Variants in MSRA observed in about 807,000 individuals in gnomAD.
The protein encoded by MSRA is mitochondrial peptide methionine sulfoxide reductase.
MSRA carries 54 observed loss-of-function variants against 31.3 expected under a neutral mutation model. The ratio of observed to expected loss-of-function variants is 1.73; its 90% CI spans 1.39 to 2.17. The LOEUF (loss-of-function observed/expected upper bound fraction) is 2.17. Among genes scored for constraint, MSRA ranks in the 30% most tolerant of loss-of-function variants. The pLI, the probability that MSRA is intolerant of heterozygous loss-of-function variation, is 0.00. For missense variants in MSRA, 507 were observed against 300.9 expected (o/e 1.69, Z -5.07); for synonymous variants, 169 against 116.5 (o/e 1.45, Z -2.90).
intron 1 of MSRA, among the ~76,000 whole-genome samples, chr8:10,156,596 ATCT>A (rs1804170294): frequency 6.6e-6 from 1 of 152,142 alleles, no homozygotes; most frequent in Non-Finnish European, 1.5e-5. Context: ...ATAGAAATTA[ATCT>A]CTTCTTTTCA....
At chr8:10,095,016 G>A (rs1799052270) in intron 1 of MSRA, among the ~76,000 whole-genome samples, 1 of 152,158 alleles carries the variant, frequency 6.6e-6, no homozygotes, top group African/African-American at 2.4e-5. Context: ...TAAAGTTGCA[G>A]ATCAATCAAA....
chr8:10,417,754 T>TTGTGTG (rs113437676), intron 5 of MSRA, among the ~76,000 whole-genome samples: 4,848 of 129,858 alleles, frequency 0.037, 549 homozygotes, highest in South Asian at 0.087. Flanking sequence ...AACCTGCATG[T>TTGTGTG]TGTGTGTGTG....
At chr8:10,250,480 A>G in intron 3 of MSRA, 1 of 702,480 alleles carries the variant, frequency 1.4e-6, no homozygotes, top group South Asian at 1.5e-5. Context: ...AAATCTGCAC[A>G]GCCAAGTGGC....
At chr8:10,312,698 C>G (rs1201644195) in intron 4 of MSRA, among the ~76,000 whole-genome samples, 1 of 152,214 alleles carries the variant, frequency 6.6e-6, no homozygotes, top group Non-Finnish European at 1.5e-5. Flanking sequence ...AATAATACAT[C>G]ATGACCAATT....
intron 1 of MSRA, among the ~76,000 whole-genome samples, chr8:10,091,683 T>G (rs1306877776): frequency 6.6e-6 from 1 of 151,982 alleles, no homozygotes; most frequent in Non-Finnish European, 1.5e-5. Context: ...CTTGGCTCAT[T>G]GCAACCTCTG....
chr8:10,077,008 A>T (rs1798025910), intron 1 of MSRA, among the ~76,000 whole-genome samples: 1 of 151,340 alleles, frequency 6.6e-6, no homozygotes, highest in African/African-American at 2.4e-5. Context: ...GCACCTATGT[A>T]ATAAACCTGC....
intron 3 of MSRA, among the ~76,000 whole-genome samples, chr8:10,252,726 G>C (rs1041375204): frequency 5.3e-5 from 8 of 152,212 alleles, no homozygotes; most frequent in African/African-American, 1.9e-4. Context: ...ATGGGCTGCA[G>C]ACCTTACATA....
chr8:10,337,415 G>A (rs926193987), intron 5 of MSRA: 5 of 311,148 alleles, frequency 1.6e-5, no homozygotes, highest in Admixed American at 4.8e-5. Context: ...TCCTGACCTC[G>A]TGATCCACCA....
intron 1 of MSRA, among the ~76,000 whole-genome samples, chr8:10,168,071 T>C (rs1163897144): frequency 6.6e-6 from 1 of 152,182 alleles, no homozygotes; most frequent in East Asian, 1.9e-4. Flanking sequence ...CTATGTTACT[T>C]ACTAGCTTTG....
intron 1 of MSRA, among the ~76,000 whole-genome samples, chr8:10,115,347 G>A (rs909767249): frequency 3.9e-5 from 6 of 152,210 alleles, no homozygotes; most frequent in African/African-American, 9.7e-5. Context: ...TGAAGACTTG[G>A]ACAGAGCTGG....
intron 1 of MSRA, among the ~76,000 whole-genome samples, chr8:10,108,805 A>AT (rs1189513051): frequency 6.9e-6 from 1 of 143,970 alleles, no homozygotes; most frequent in South Asian, 2.4e-4. Context: ...GTTGTTGGGA[A>AT]ATTTTTTTTT....
At chr8:10,260,105 T>G (rs1798394520) in intron 3 of MSRA, among the ~76,000 whole-genome samples, 1 of 152,162 alleles carries the variant, frequency 6.6e-6, no homozygotes, top group African/African-American at 2.4e-5. Flanking sequence ...ACAAAATTGA[T>G]GCACAATAAT....
At position 10,188,448 on chromosome 8, in the gene MSRA, G is replaced by C. The variant is rs561826487; in HGVS notation, c.143-19385G>C. Among the ~76,000 whole-genome samples, 6 of 152,314 alleles carry C rather than the reference G, an allele frequency of 3.9e-5. No individual in the cohort carries two copies. In the South Asian group the frequency reaches 1.2e-3, roughly 32 times the overall value. On this transcript the variant is annotated intron_variant, in intron 1 of 5. Transcript: ENST00000317173. ...CAACAAAAACAGAGGTGGATTTTGA[G>C]AAAGTATTTAGTTTTCAGTTGATTT...
intron 1 of MSRA, among the ~76,000 whole-genome samples, chr8:10,137,223 C>T (rs938946270): frequency 6.6e-6 from 1 of 152,146 alleles, no homozygotes; most frequent in African/African-American, 2.4e-5. Context: ...AATAGCATTT[C>T]TGCTTTTATT....
At position 10,167,554 on chromosome 8, in the gene MSRA, A is replaced by G. The variant is rs373412261; in HGVS notation, c.143-40279A>G. 5.6e-4 allele frequency among the ~76,000 whole-genome samples: 86 copies of G among 152,308 alleles called. 3 individuals are homozygous for G. In the South Asian group the frequency reaches 0.017, roughly 30 times the overall value. ...CTGTGTGCGCCGCATGATAATAACA[A>G]TCACGCCAGCCAGGAGATTAGCTGA... On this transcript the variant is annotated intron_variant, in intron 1 of 5. Transcript: ENST00000317173.
At chr8:10,310,718 C>T (rs759038599) in intron 4 of MSRA, among the ~76,000 whole-genome samples, 9 of 152,212 alleles carry the variant, frequency 5.9e-5, no homozygotes, top group Non-Finnish European at 1.3e-4. Context: ...TACTACATTG[C>T]TTGACGGAGG....
At chr8:10,364,352 C>A (rs974970610) in intron 5 of MSRA, among the ~76,000 whole-genome samples, 4 of 152,184 alleles carry the variant, frequency 2.6e-5, no homozygotes, top group Admixed American at 1.3e-4. Flanking sequence ...TGTCACAGCA[C>A]CCTGACTGCA....
At chr8:10,201,879 T>G (rs1458821332) in intron 1 of MSRA, among the ~76,000 whole-genome samples, 1 of 152,222 alleles carries the variant, frequency 6.6e-6, no homozygotes, top group Non-Finnish European at 1.5e-5. Context: ...CAGCAGAGGT[T>G]GTCCTCCCAG....
chr8:10,314,686 G>A (rs1191036339), intron 4 of MSRA, among the ~76,000 whole-genome samples: 1 of 152,188 alleles, frequency 6.6e-6, no homozygotes, highest in Non-Finnish European at 1.5e-5. Flanking sequence ...ATATGTATAA[G>A]AGAATACATG....
Sources: allele counts gnomAD v4.1 joint callset (sites outside exome capture counted in the v4.1 genomes callset), GRCh38; gene constraint gnomAD v4.1.1; transcripts MANE v1.5; gene names NCBI Gene and HGNC (gene_info 2026-07-23, HGNC 2026-07-21).